The following TROAP variants were observed in gnomAD, a reference collection of about 807,000 sequenced individuals.
The protein encoded by TROAP is tastin.
In TROAP, 62 loss-of-function variants were observed where a neutral mutation model predicts 83.4. The observed-to-expected ratio is 0.74, with a 90% CI of 0.61 to 0.92. The LOEUF (loss-of-function observed/expected upper bound fraction) is 0.92. Ranked by LOEUF, TROAP falls within the 40% of genes least tolerant of loss-of-function variation. The pLI, the probability that TROAP is intolerant of heterozygous loss-of-function variation, is 0.00. For missense variants in TROAP, 876 were observed against 985.1 expected, an observed-to-expected ratio of 0.89 and a Z score of 1.48; for synonymous variants, 352 against 386.4, an observed-to-expected ratio of 0.91 and a Z score of 1.04.
intron 8 of TROAP, 52 bp from the exon 9 acceptor site, chr12:49,328,875 T>C (rs1012607168): frequency 2.0e-6 from 3 of 1,492,812 alleles, no homozygotes; most frequent in East Asian, 2.3e-5. Flanking sequence ...AAAAAAAAAA[T>C]AGGAAGACAA....
intron 3 of TROAP, chr12:49,324,263 TCAGGAGGCTGAAG>T: frequency 6.4e-7 from 1 of 1,557,118 alleles, no homozygotes; most frequent in Non-Finnish European, 8.9e-7. Context: ...TCACAGCTAC[TCAGGAGGCTGAAG>T]CAGGAGGATC....
At chr12:49,327,176 A>G in intron 7 of TROAP, 33 bp from the exon 8 acceptor site, 1 of 1,612,720 alleles carries the variant, frequency 6.2e-7, no homozygotes, top group South Asian at 1.1e-5. Flanking sequence ...TGGGTGTTCT[A>G]GAGTCTACAA....
Position 49,330,455 on chromosome 12 carries a change from CCCT to C in TROAP, c.1613_1615del (p.Leu538del), listed in dbSNP as rs1943562247. The C allele has an allele frequency of 6.2e-7, 1 of 1,613,922 alleles. No homozygotes were observed. The highest frequency in any genetic ancestry group is 1.3e-5 in the African/African-American group (1 of 74,884). ...AGTGAGCCTGAGATACCAGAGCCCT[CCCT>C]CCAGGAACAGCTTGAAGTACCAGAG... On this transcript the variant is annotated inframe_deletion, in exon 13 of 15. Transcript: ENST00000257909.
At position 49,329,908 on chromosome 12, in the gene TROAP, G is replaced by A. The variant is rs773858864; in HGVS notation, c.1216G>A (p.Glu406Lys). Residue 406 changes from glutamate to lysine, a missense_variant, in exon 12 of 15, where the codon GAG (glutamate) becomes AAG (lysine). This residue lies in a region of TROAP where 689 missense variants were observed against 722.6 expected (regional missense o/e 0.95). Coordinates refer to ENST00000257909, the MANE Select transcript of TROAP (RefSeq NM_005480.4). This position sits in a 1 kb window ranked among gnomAD's most constrained non-coding sequence, Gnocchi z 4.5. Reference sequence around the variant, plus strand: ...CCAGGAGAGTTGTATAAGGTCACTGGAGGGTTCTGGGAAACCACCGGTGGC... The same window carrying A: ...CCAGGAGAGTTGTATAAGGTCACTGAAGGGTTCTGGGAAACCACCGGTGGC... Reference protein sequence around the residue: ...FDQESCIRSLEGSGKPPVATP... With the variant: ...FDQESCIRSLKGSGKPPVATP... The A allele has an allele frequency of 6.2e-6, 10 of 1,613,962 alleles. No individual in the cohort carries two copies. Among genetic ancestry groups the A allele is most frequent in the Middle Eastern group, 1.6e-4 (1 of 6,082 alleles).
At position 49,329,027 on chromosome 12, in the gene TROAP, G is replaced by A. The variant is rs139479639; in HGVS notation, c.992G>A (p.Arg331His). 6.1e-4 allele frequency: 975 copies of A among 1,611,550 alleles called. No homozygotes were observed. The highest frequency in any genetic ancestry group is 7.9e-4 in the Non-Finnish European group (933 of 1,178,432). Reference protein sequence around the residue: ...PCPSPFGRAQRVPSPGPPTLT... With the variant: ...PCPSPFGRAQHVPSPGPPTLT... ...CCATCACCCTTTGGACGGGCTCAGC[G>A]TGTACCCTCCCCAGGCCCTCCAACT... Residue 331 changes from arginine to histidine, a missense_variant, in exon 9 of 15, where the codon CGT becomes CAT. Coordinates refer to ENST00000257909, the MANE Select transcript of TROAP (RefSeq NM_005480.4). The surrounding 1 kb of genome is among the most constrained non-coding windows in gnomAD (Gnocchi z 4.5).
chr12:49,331,696 C>T lies in TROAP; in HGVS notation c.*79C>T. 2 of 1,580,742 alleles carry T rather than the reference C, an allele frequency of 1.3e-6. No homozygotes were observed. The highest frequency in any genetic ancestry group is 8.7e-7 in the Non-Finnish European group (1 of 1,152,610). Reference sequence around the variant, plus strand: ...GTCGGTCTGCCCATGGGACTGGGAGCCGCCCACTTTTGTCCTCAATAAAGT... The same window carrying T: ...GTCGGTCTGCCCATGGGACTGGGAGTCGCCCACTTTTGTCCTCAATAAAGT... On this transcript the variant is annotated 3_prime_UTR_variant, in exon 15 of 15. Coordinates refer to ENST00000257909, the MANE Select transcript of TROAP (RefSeq NM_005480.4).
chr12:49,331,659 C>T lies in TROAP; in HGVS notation c.*42C>T. On this transcript the variant is annotated 3_prime_UTR_variant, in exon 15 of 15. Coordinates refer to ENST00000257909, the MANE Select transcript of TROAP (RefSeq NM_005480.4). ...GCCCTGCCGTACTTCTTCCTTTTAG[C>T]CCTTATTTATTGTCGGTCTGCCCAT... 1 of 1,613,176 alleles carries T rather than the reference C, an allele frequency of 6.2e-7. No individual in the cohort carries two copies. The highest frequency in any genetic ancestry group is 8.5e-7 in the Non-Finnish European group (1 of 1,179,476).
chr12:49,324,833 C>A lies in TROAP; in HGVS notation c.338-668C>A, dbSNP rs76576199. 9.2e-4 allele frequency among the ~76,000 whole-genome samples: 138 copies of A among 150,556 alleles called. 2 individuals are homozygous for A. The East Asian group carries it at 0.022, about 24-fold the overall frequency. ...GCAACATCCACCTCCCAGGTTCAAG[C>A]GATTCTCATGCCTCACCCCGAGTAC... On this transcript the variant is annotated intron_variant, in intron 3 of 14. Transcript: ENST00000257909.
chr12:49,331,563 C>T lies in TROAP; in HGVS notation c.2293-10C>T, dbSNP rs143890352. ...TGGCTGAGCTGTGACAAGGTCTTCT[C>T]TGTCTCCAGTGTTTCATTCCAGTTG... is the stretch of plus-strand genomic sequence containing the variant. On this transcript the variant is annotated splice_polypyrimidine_tract_variant and intron_variant, in intron 14 of 14. Transcript: ENST00000257909. The T allele has an allele frequency of 7.8e-5, 126 of 1,614,184 alleles. No individual in the cohort carries two copies. The Middle Eastern group carries it at 9.9e-4, about 13-fold the overall frequency.
In TROAP at chr12:49,329,585, G is replaced by C; in HGVS notation, c.1164+131G>C. The stretch of plus-strand genomic sequence containing the variant: ...TCACACCTGTAATCCCAGCACTTTG[G>C]GAGGCTGAGGTAGGAGGATTGCTTG... On this transcript the variant is annotated intron_variant, in intron 11 of 14. Transcript: ENST00000257909. The surrounding 1 kb of genome is among the most constrained non-coding windows in gnomAD (Gnocchi z 4.5). 3 of 1,152,484 alleles carry C rather than the reference G, an allele frequency of 2.6e-6. No homozygotes were observed. Among genetic ancestry groups the C allele is most frequent in the Non-Finnish European group, 3.7e-6 (3 of 812,400 alleles). 71.4% of individuals were successfully genotyped at this position (1,152,484 alleles called of 1,614,324 possible).
At position 49,323,649 on chromosome 12, in the gene TROAP, G is replaced by C. The variant is rs1299018422; in HGVS notation, c.41G>C (p.Gly14Ala). 2.5e-6 allele frequency: 4 copies of C among 1,614,086 alleles called. No homozygotes were observed. Among genetic ancestry groups the C allele is most frequent in the Non-Finnish European group, 3.4e-6 (4 of 1,180,008 alleles). Residue 14 changes from glycine to alanine, a missense_variant, in exon 2 of 15, where the codon GGT (glycine) becomes GCT (alanine). By Grantham distance (60) the Gly-to-Ala change is moderately conservative. Transcript: ENST00000257909. ...GCCACGAAGGATCCCCTCCTCCGGG[G>C]TGTATCTCCTACCCCTAGCAAGATT... is the stretch of plus-strand genomic sequence containing the variant. Reference protein sequence around the residue: ...RQATKDPLLRGVSPTPSKIPV... With the variant: ...RQATKDPLLRAVSPTPSKIPV...
rs775365104 is a variant in TROAP at position 49,324,114 on chromosome 12, GT to G, written c.337+81del. ...GGAAGGGTAAAAGTGGGGTTTTGGG[GT>G]TTTGCACTCACTCCTGCTGTCTCCT... On this transcript the variant is annotated intron_variant, in intron 3 of 14. Transcript: ENST00000257909. 3.7e-6 allele frequency: 6 copies of G among 1,613,926 alleles called. No homozygotes were observed. In the South Asian group the frequency reaches 5.5e-5, roughly 15 times the overall value.
Position 49,329,204 on chromosome 12 carries a change from C to A in TROAP, c.1064C>A (p.Thr355Asn). The A allele has an allele frequency of 6.2e-7, 1 of 1,614,186 alleles. No individual in the cohort carries two copies. Among genetic ancestry groups the A allele is most frequent in the Non-Finnish European group, 8.5e-7 (1 of 1,180,034 alleles). Residue 355 changes from threonine to asparagine, a missense_variant, in exon 10 of 15, where the codon ACC (threonine) becomes AAC (asparagine). Thr to Asn is a moderately conservative substitution (Grantham distance 65, BLOSUM62 0). Coordinates refer to ENST00000257909, the MANE Select transcript of TROAP (RefSeq NM_005480.4). This position sits in a 1 kb window ranked among gnomAD's most constrained non-coding sequence, Gnocchi z 4.5. ...CGGCGTCTCACCGTTCAACCTAAAA[C>A]CCGGTTCACACCCATGCCATCAACC... ...VLRRLTVQPK[T>N]RFTPMPSTPR...
intron 3 of TROAP, chr12:49,324,400 T>A: frequency 2.1e-6 from 1 of 485,438 alleles, no homozygotes; most frequent in Non-Finnish European, 3.6e-6. Context: ...CCTTTTCCAG[T>A]TCCCCATGTC....
At chr12:49,326,198 A>G (rs1475009412) in intron 6 of TROAP, 40 bp downstream of exon 6, 7 of 1,596,766 alleles carry the variant, frequency 4.4e-6, no homozygotes, top group East Asian at 2.2e-5. Context: ...CATCTGGAAA[A>G]GAATGAACCA....
Position 49,326,662 on chromosome 12 carries a change from C to A in TROAP, c.717-6C>A. On this transcript the variant is annotated splice_region_variant and splice_polypyrimidine_tract_variant and intron_variant, in intron 6 of 14. Transcript: ENST00000257909. ...GACTGCTGGCTAATGTCCTTATTGT[C>A]ATCAGGACTTCAGTGAGCCAGGCCT... 1 of 1,555,910 alleles carries A rather than the reference C, an allele frequency of 6.4e-7. No homozygotes were observed. Among genetic ancestry groups the A allele is most frequent in the South Asian group, 1.2e-5 (1 of 84,328 alleles).
intron 3 of TROAP, 161 bp from the exon 4 acceptor site, chr12:49,325,340 G>T: frequency 4.3e-6 from 3 of 705,202 alleles, no homozygotes; most frequent in South Asian, 4.5e-5. Context: ...ACAGGCATGA[G>T]CCACTGCACC....
At position 49,331,424 on chromosome 12, in the gene TROAP, C is replaced by T. The variant is rs201991448; in HGVS notation, c.2292+17C>T. The T allele has an allele frequency of 6.2e-7, 1 of 1,610,604 alleles. No homozygotes were observed. Among genetic ancestry groups the T allele is most frequent in the African/African-American group, 1.3e-5 (1 of 75,030 alleles). The stretch of plus-strand genomic sequence containing the variant: ...GATGCCCTGGTGAGACTCCAACCCA[C>T]AGCCCAGCTGTGGCTGCACAGTGAG... On this transcript the variant is annotated intron_variant, in intron 14 of 14. Transcript: ENST00000257909.
chr12:49,331,112 T>C (rs1943575375), intron 13 of TROAP, 102 bp from the exon 14 acceptor site: 10 of 1,555,206 alleles, frequency 6.4e-6, no homozygotes, highest in Non-Finnish European at 7.0e-6. Flanking sequence ...TCCAGCCCTG[T>C]GCTCCTAATT....
Sources: gnomAD v4.1 joint callset for allele counts (sites outside exome capture counted in the v4.1 genomes callset) on GRCh38, gnomAD v4.1.1 for gene constraint, gnomAD v4.1.1 regional missense constraint, Gnocchi (gnomAD v3.1) non-coding constraint, MANE v1.5 for transcripts, NCBI Gene and HGNC (gene_info 2026-07-23, HGNC 2026-07-21) for gene names.